The following NOTCH2 variants were observed in gnomAD, a reference collection of about 807,000 sequenced individuals.
NOTCH2 encodes notch receptor 2, also known as neurogenic locus notch homolog protein 2.
Under a neutral mutation model 235.8 loss-of-function variants are expected in NOTCH2, and 29 were observed. The observed-to-expected ratio is 0.12, with a 90% CI of 0.09 to 0.17. The LOEUF is 0.17. Ranked by LOEUF, NOTCH2 falls within the 10% of genes least tolerant of loss-of-function variation. The probability of loss-of-function intolerance (pLI) is 1.00; values close to 1 mark genes in which losing one functional copy is unlikely to be tolerated. For missense variants in NOTCH2, 2,285 were observed against 3,150.2 expected (o/e 0.73, Z 6.57); for synonymous variants, 1,086 against 1,141.5 (o/e 0.95, Z 0.98).
intron 17 of NOTCH2, among the ~76,000 whole-genome samples, chr1:119,942,874 T>C (rs1266403971): frequency 1.5e-4 from 11 of 75,366 alleles, no homozygotes; most frequent in African/African-American, 7.2e-4. Flanking sequence ...TCCATATGTC[T>C]TTTTTTTTTT....
chr1:119,923,228 C>G (rs1290682706), intron 26 of NOTCH2, among the ~76,000 whole-genome samples: 1 of 152,112 alleles, frequency 6.6e-6, no homozygotes, highest in East Asian at 1.9e-4. Context: ...TGACAATATA[C>G]CAACAAAGAG....
chr1:119,917,557 A>G (rs1649129419), intron 33 of NOTCH2, 108 bp downstream of exon 33: 3 of 824,672 alleles, frequency 3.6e-6, no homozygotes, highest in East Asian at 2.4e-5. Flanking sequence ...AACTGCTTCC[A>G]TCTTTGTCTA....
At chr1:119,960,591 A>C (rs1437994572) in intron 11 of NOTCH2, among the ~76,000 whole-genome samples, 1 of 152,036 alleles carries the variant, frequency 6.6e-6, no homozygotes, top group African/African-American at 2.4e-5. Flanking sequence ...AAAAAGACTA[A>C]AAATAAAAAC....
At chr1:120,041,037 C>A (rs1284805901) in intron 1 of NOTCH2, among the ~76,000 whole-genome samples, 1 of 73,748 alleles carries the variant, frequency 1.4e-5, no homozygotes, top group Non-Finnish European at 2.4e-5. Flanking sequence ...CAAGACTCTG[C>A]CTGCAAAAAA....
chr1:119,913,468 A>G lies in NOTCH2; in HGVS notation c.*1838T>C. ...CGGGAATTCACCTGTTAATATCTAC[A>G]AAATGCCCAGGCAGAACTTATTTTG... is the stretch of plus-strand genomic sequence containing the variant. On this transcript the variant is annotated 3_prime_UTR_variant, in exon 34 of 34. Transcript: ENST00000256646. 4.3e-6 allele frequency: 1 copy of G among 233,306 alleles called. No individual in the cohort carries two copies. Among genetic ancestry groups the G allele is most frequent in the Non-Finnish European group, 8.5e-6 (1 of 118,062 alleles). The allele number at this position is 233,306 out of a possible 1,614,324, so 14.5% of individuals were successfully genotyped here.
chr1:119,931,639 G>C (rs188439662), intron 22 of NOTCH2, among the ~76,000 whole-genome samples: 2 of 152,082 alleles, frequency 1.3e-5, no homozygotes, highest in East Asian at 3.9e-4. Flanking sequence ...TTTAGAATCT[G>C]GCAAAGGTGC....
intron 5 of NOTCH2, among the ~76,000 whole-genome samples, chr1:119,983,688 AG>A (rs1651903673): frequency 6.6e-6 from 1 of 152,204 alleles, no homozygotes; most frequent in Non-Finnish European, 1.5e-5. Flanking sequence ...AAGGCTTCTG[AG>A]AAAAGGAGGC....
intron 33 of NOTCH2, among the ~76,000 whole-genome samples, chr1:119,917,153 AAAGT>A (rs1423154443): frequency 6.6e-6 from 1 of 151,828 alleles, no homozygotes; most frequent in African/African-American, 2.4e-5. Flanking sequence ...AGAACTGGGA[AAAGT>A]AAGGGAAACA....
intron 2 of NOTCH2, among the ~76,000 whole-genome samples, chr1:120,029,501 C>T (rs1553210647): frequency 6.6e-6 from 1 of 150,392 alleles, no homozygotes; most frequent in African/African-American, 2.4e-5. Flanking sequence ...CAGTCATGCG[C>T]CACCACACCT....
chr1:119,937,164 G>C (rs781919000), intron 21 of NOTCH2, 118 bp downstream of exon 21: 13 of 1,054,750 alleles, frequency 1.2e-5, no homozygotes, highest in Non-Finnish European at 5.8e-6. Context: ...ACGGGGATTG[G>C]TAAAAATCTA....
rs201668322 is a variant in NOTCH2 at position 120,069,420 on chromosome 1, T to C, written c.-14A>G. On this transcript the variant is annotated 5_prime_UTR_variant, in exon 1 of 34. Transcript: ENST00000256646. ...CAGGGCGGGCATCTTCTCGGTCGCC[T>C]CCTCCTCCGCCGCCGCCGCCGCCGC... 3.3e-6 allele frequency: 5 copies of C among 1,536,340 alleles called. No individual in the cohort carries two copies. The highest frequency in any genetic ancestry group is 4.3e-6 in the Non-Finnish European group (5 of 1,149,730).
intron 2 of NOTCH2, among the ~76,000 whole-genome samples, chr1:120,010,624 T>C (rs1488020512): frequency 6.6e-6 from 1 of 151,586 alleles, no homozygotes; most frequent in Non-Finnish European, 1.5e-5. Context: ...GTAAAGCACT[T>C]AGAACACTAT....
At chr1:119,987,236 T>C (rs1570718111) in intron 4 of NOTCH2, among the ~76,000 whole-genome samples, 154 bp from the exon 5 acceptor site, 1 of 152,164 alleles carries the variant, frequency 6.6e-6, no homozygotes, top group African/African-American at 2.4e-5. Context: ...AAATCCCCAA[T>C]TCTCTGTCTT....
In NOTCH2 at chr1:119,915,297, T is replaced by TG. The variant is rs1649023395; in HGVS notation, c.*8dup. 2 of 1,612,306 alleles carry TG rather than the reference T, an allele frequency of 1.2e-6. No homozygotes were observed. Among genetic ancestry groups the TG allele is most frequent in the East Asian group, 4.5e-5 (2 of 44,888 alleles). On this transcript the variant is annotated 3_prime_UTR_variant, in exon 34 of 34. Transcript: ENST00000256646. ...GTCAGTTATGTCTCTACACTGGAGGTGGACTCTCTCACGCATAAACCTGCA... is the reference window on the plus strand; with the variant it reads ...GTCAGTTATGTCTCTACACTGGAGGTGGGACTCTCTCACGCATAAACCTGCA...
chr1:120,065,920 C>T (rs1223536384), intron 1 of NOTCH2, among the ~76,000 whole-genome samples: 4 of 151,572 alleles, frequency 2.6e-5, no homozygotes, highest in Admixed American at 2.6e-4. Flanking sequence ...TTCTTATATC[C>T]TTATTCAAAT....
rs782348587 is a variant in NOTCH2, at chr1:119,967,572, G to A, written c.1314C>T (p.Gly438=). ...EHAGKCVNTD[G]AFHCECLKGY... ...CCTTCAGACACTCACAGTGGAAGGC[G>A]CCATCCGTGTTCACACATTTTCCTG... Residue 438 remains glycine (G), a synonymous_variant, in exon 8 of 34, where the codon GGC becomes GGT. Coordinates refer to ENST00000256646, the MANE Select transcript of NOTCH2 (RefSeq NM_024408.4). 8.1e-6 allele frequency: 13 copies of A among 1,614,026 alleles called. No individual in the cohort carries two copies. Among genetic ancestry groups the A allele is most frequent in the South Asian group, 1.1e-5 (1 of 91,072 alleles).
At chr1:119,980,442 G>A (rs1044833828) in intron 5 of NOTCH2, among the ~76,000 whole-genome samples, 11 of 152,038 alleles carry the variant, frequency 7.2e-5, no homozygotes, top group Non-Finnish European at 1.5e-4. Context: ...ATAACCCTGC[G>A]TTGTGTCTCC....
intron 17 of NOTCH2, among the ~76,000 whole-genome samples, chr1:119,945,639 T>G (rs1049918899): frequency 2.6e-5 from 4 of 152,074 alleles, no homozygotes; most frequent in African/African-American, 9.7e-5. Context: ...TTCAAAATGA[T>G]AAATGGGTCA....
intron 5 of NOTCH2, among the ~76,000 whole-genome samples, chr1:119,975,820 G>A (rs1651559141): frequency 6.6e-6 from 1 of 152,104 alleles, no homozygotes; most frequent in Non-Finnish European, 1.5e-5. Flanking sequence ...GTAACACGCA[G>A]GGACACAAAC....
Sources: allele counts gnomAD v4.1 joint callset (sites outside exome capture counted in the v4.1 genomes callset), GRCh38; gene constraint gnomAD v4.1.1; transcripts MANE v1.5; gene names NCBI Gene and HGNC (gene_info 2026-07-23, HGNC 2026-07-21).